Variants in PRIM2 observed in about 807,000 individuals in gnomAD.
PRIM2 encodes DNA primase subunit 2, also known as DNA primase large subunit.
PRIM2 carries 39 observed loss-of-function variants against 67.3 expected under a neutral mutation model. The ratio of observed to expected loss-of-function variants is 0.58; its 90% confidence interval spans 0.45 to 0.76. The LOEUF is 0.76. PRIM2 is among the 30% of genes least tolerant of loss of function. The pLI is 0.00. For synonymous variants in PRIM2, 143 were observed against 198.7 expected, an observed-to-expected ratio of 0.72 and a Z score of 2.36; for missense variants, 398 against 598.7, an observed-to-expected ratio of 0.66 and a Z score of 3.50.
At chr6:57,624,242 TC>T (rs1776907539) in intron 12 of PRIM2, among the ~76,000 whole-genome samples, 1 of 152,170 alleles carries the variant, frequency 6.6e-6, no homozygotes, top group African/African-American at 2.4e-5. Flanking sequence ...CCCTTCCCCC[TC>T]ATTATCTTTC....
intron 7 of PRIM2, among the ~76,000 whole-genome samples, chr6:57,401,908 C>T (rs1770720890): frequency 2.0e-5 from 3 of 152,138 alleles, no homozygotes; most frequent in Admixed American, 2.0e-4. Flanking sequence ...GGTCTTTGCT[C>T]CTTCATTAGT....
chr6:57,400,365 A>C (rs964049613), intron 7 of PRIM2, among the ~76,000 whole-genome samples: 2 of 152,186 alleles, frequency 1.3e-5, no homozygotes, highest in Non-Finnish European at 2.9e-5. Flanking sequence ...TAGGAAGCTT[A>C]GTTTGGCTGG....
At chr6:57,484,860 A>T (rs1404065650) in intron 7 of PRIM2, among the ~76,000 whole-genome samples, 9 of 152,050 alleles carry the variant, frequency 5.9e-5, no homozygotes, top group African/African-American at 2.2e-4. Context: ...CCCTTACCAG[A>T]TTGTTTTCAT....
chr6:57,584,794 C>A (rs1172825806), intron 10 of PRIM2, among the ~76,000 whole-genome samples: 1 of 152,142 alleles, frequency 6.6e-6, no homozygotes, highest in East Asian at 1.9e-4. Flanking sequence ...CTAGTTTCTA[C>A]AAATTTTATA....
chr6:57,622,885 A>G (rs1327867260), intron 12 of PRIM2, among the ~76,000 whole-genome samples: 6 of 152,214 alleles, frequency 3.9e-5, no homozygotes, highest in African/African-American at 1.4e-4. Context: ...TAAAAGACTT[A>G]AAAGTAACTG....
intron 7 of PRIM2, among the ~76,000 whole-genome samples, chr6:57,499,123 A>T (rs1774073080): frequency 6.6e-6 from 1 of 152,204 alleles, no homozygotes; most frequent in Admixed American, 6.5e-5. Flanking sequence ...GTACAACAAG[A>T]GTTATAGGAG....
At chr6:57,331,545 G>A (rs1768059420) in intron 5 of PRIM2, among the ~76,000 whole-genome samples, 1 of 152,070 alleles carries the variant, frequency 6.6e-6, no homozygotes, top group Non-Finnish European at 1.5e-5. Flanking sequence ...CTCTTTGTGG[G>A]TCATTAAAAT....
At chr6:57,469,549 T>C (rs1250295908) in intron 7 of PRIM2, among the ~76,000 whole-genome samples, 2 of 152,354 alleles carry the variant, frequency 1.3e-5, no homozygotes, top group East Asian at 3.8e-4. Context: ...CAGTCAAATA[T>C]ATGACTTATT....
intron 7 of PRIM2, among the ~76,000 whole-genome samples, chr6:57,470,419 TCCCCTCTCCCCCTCTCCCCTCTC>T: frequency 2.2e-5 from 1 of 45,056 alleles, no homozygotes; most frequent in East Asian, 8.3e-4. Context: ...TCTCCCCCTC[TCCCCTCTCCCCCTCTCCCCTCTC>T]CCCCTCTCCC....
the PRIM2 span, among the ~76,000 whole-genome samples, chr6:57,307,533 T>C: frequency 6.6e-6 from 1 of 152,034 alleles, no homozygotes; most frequent in Non-Finnish European, 1.5e-5. Context: ...CCACTGCGCC[T>C]GGCCAAGGAT....
chr6:57,395,294 AC>A (rs1386619348), intron 7 of PRIM2, among the ~76,000 whole-genome samples: 1 of 151,960 alleles, frequency 6.6e-6, no homozygotes, highest in East Asian at 1.9e-4. Context: ...CTGGTCCTGG[AC>A]TTTTTGTTGT....
At chr6:57,559,730 C>T (rs1405416142) in intron 10 of PRIM2, among the ~76,000 whole-genome samples, 1,822 of 152,280 alleles carry the variant, frequency 0.012, 22 homozygotes, top group Non-Finnish European at 0.02. Context: ...AATTTGCTTT[C>T]CCAGTGCATA....
chr6:57,304,280 T>C, the PRIM2 span, among the ~76,000 whole-genome samples: 6 of 151,948 alleles, frequency 3.9e-5, no homozygotes, highest in Admixed American at 6.6e-5. Context: ...AGAGAATCAA[T>C]TGGTTGCAGA....
At chr6:57,310,560 T>C (rs1317088994), upstream of PRIM2, among the ~76,000 whole-genome samples, 1 of 152,266 alleles carries the variant, frequency 6.6e-6, no homozygotes, top group Non-Finnish European at 1.5e-5. Flanking sequence ...GGATGATTGC[T>C]GTCTCTTTGG....
chr6:57,630,806 T>G lies in PRIM2; in HGVS notation c.1231-1327T>G, dbSNP rs1374286519. 4.6e-5 allele frequency among the ~76,000 whole-genome samples: 7 copies of G among 152,302 alleles called. No individual in the cohort carries two copies. In the South Asian group the frequency reaches 1.4e-3, roughly 32 times the overall value. On this transcript the variant is annotated intron_variant, in intron 12 of 13. Transcript: ENST00000615550. ...TCTCATCACAATTTGAAAATCTGTG[T>G]GAAGAGCATCAGACAACATGAACTC...
intron 12 of PRIM2, among the ~76,000 whole-genome samples, chr6:57,609,855 A>G (rs1228386168): frequency 6.6e-6 from 1 of 152,238 alleles, no homozygotes; most frequent in East Asian, 1.9e-4. Flanking sequence ...GAGTTAATGG[A>G]TGAAAATTCC....
the PRIM2 span, among the ~76,000 whole-genome samples, chr6:57,242,378 GA>G: frequency 6.6e-6 from 1 of 152,002 alleles, no homozygotes; most frequent in African/African-American, 2.4e-5. Flanking sequence ...GAGCCATTTT[GA>G]TTTTTTTAAT....
chr6:57,407,785 G>GGAT (rs1209234456), intron 7 of PRIM2, among the ~76,000 whole-genome samples: 5 of 152,150 alleles, frequency 3.3e-5, no homozygotes, highest in Admixed American at 6.5e-5. Flanking sequence ...TTGGCTTGCT[G>GGAT]GATGATGATG....
chr6:57,364,685 T>G (rs1769298016), intron 5 of PRIM2, among the ~76,000 whole-genome samples: 1 of 152,002 alleles, frequency 6.6e-6, no homozygotes. Flanking sequence ...TGCAAGAGTC[T>G]TCCGCTTGGC....
Sources: allele counts gnomAD v4.1 joint callset (sites outside exome capture counted in the v4.1 genomes callset), GRCh38; gene constraint gnomAD v4.1.1; transcripts MANE v1.5; gene names NCBI Gene and HGNC (gene_info 2026-07-23, HGNC 2026-07-21).